Variants in B3GNT6 observed in about 807,000 individuals in gnomAD.
B3GNT6 encodes UDP-GlcNAc:betaGal beta-1,3-N-acetylglucosaminyltransferase 6.
For missense variants in B3GNT6, 624 were observed against 568.6 expected (o/e 1.10, Z -0.99); for synonymous variants, 300 against 270.0 (o/e 1.11, Z -1.09).
rs782247197 is a variant in B3GNT6, at chr11:77,039,874, C to A, written c.323C>A (p.Pro108Gln). ...CACTTCCCGCTGCTTTGGGACGCAC[C>A]GGCCAAGTGCGCCGGCGGCCGAGGC... ...CRHFPLLWDAPAKCAGGRGVF... is the reference protein window; with the variant it reads ...CRHFPLLWDAQAKCAGGRGVF... The change falls in exon 2 of 2, where the codon CCG becomes CAG. Residue 108 changes from proline to glutamine, a missense_variant. By Grantham distance (76) the Pro-to-Gln change is moderately conservative. Transcript: ENST00000622824. 8 of 1,589,072 alleles carry A rather than the reference C, an allele frequency of 5.0e-6. No individual in the cohort carries two copies. The Admixed American group carries it at 1.4e-4, about 27-fold the overall frequency.
chr11:77,039,480 C>T, intron 1 of B3GNT6, 72 bp from the exon 2 acceptor site: 1 of 1,503,764 alleles, frequency 6.6e-7, no homozygotes, highest in South Asian at 1.4e-5. Context: ...AGAGAAGTGA[C>T]GGGGTACGGG....
rs1555027470 is a variant in B3GNT6 at position 77,039,837 on chromosome 11, C to G, written c.286C>G (p.Arg96Gly). 2.0e-5 allele frequency: 31 copies of G among 1,575,908 alleles called. No homozygotes were observed. The highest frequency in any genetic ancestry group is 2.6e-5 in the Non-Finnish European group (30 of 1,168,250). ...GCGCATCCAGGACTTCCTGCGGTACCGCCACTGCCGCCACTTCCCGCTGCT... is the reference window on the plus strand; with the variant it reads ...GCGCATCCAGGACTTCCTGCGGTACGGCCACTGCCGCCACTTCCCGCTGCT... ...PARIQDFLRY[R>G]HCRHFPLLWD... Residue 96 changes from arginine (R) to glycine (G), a missense_variant, in exon 2 of 2, where the codon CGC becomes GGC. Physicochemically the swap from Arg to Gly is moderately radical, Grantham distance 125. Coordinates refer to ENST00000622824, the MANE Select transcript of B3GNT6 (RefSeq NM_138706.5).
intron 1 of B3GNT6, among the ~76,000 whole-genome samples, chr11:77,039,315 C>T (rs1176749297): frequency 5.3e-5 from 8 of 151,942 alleles, no homozygotes; most frequent in African/African-American, 1.5e-4. Context: ...GGTTGTGGGG[C>T]GGTGTTGTCA....
At position 77,040,247 on chromosome 11, in the gene B3GNT6, A is replaced by C; in HGVS notation, c.696A>C (p.Val232=). 6.3e-7 allele frequency: 1 copy of C among 1,598,736 alleles called. No homozygotes were observed. Among genetic ancestry groups the C allele is most frequent in the Non-Finnish European group, 8.5e-7 (1 of 1,179,400 alleles). The change falls in exon 2 of 2, where the codon GTA becomes GTC. Residue 232 remains valine, a synonymous_variant. Transcript: ENST00000622824. ...DDDVFVHTAN[V]VRFLQAQPPG... ...ACGTGTTCGTGCACACCGCCAACGT[A>C]GTCCGCTTCCTGCAGGCGCAGCCAC...
intron 1 of B3GNT6, among the ~76,000 whole-genome samples, chr11:77,039,004 G>A (rs1555027304): frequency 6.6e-6 from 1 of 152,212 alleles, no homozygotes; most frequent in East Asian, 1.9e-4. Context: ...GGGGATGGCA[G>A]AATTCGGCTC....
chr11:77,040,218 G>A lies in B3GNT6; in HGVS notation c.667G>A (p.Asp223Asn), dbSNP rs1949673854. The A allele has an allele frequency of 1.9e-6, 3 of 1,599,136 alleles. No homozygotes were observed. The highest frequency in any genetic ancestry group is 2.5e-6 in the Non-Finnish European group (3 of 1,179,456). Reference sequence around the variant, plus strand: ...CGCGCGCTTTCTGCTCAGCGGCGACGACGACGTGTTCGTGCACACCGCCAA... The same window carrying A: ...CGCGCGCTTTCTGCTCAGCGGCGACAACGACGTGTTCGTGCACACCGCCAA... Reference protein sequence around the residue: ...PHARFLLSGDDDVFVHTANVV... With the variant: ...PHARFLLSGDNDVFVHTANVV... Residue 223 changes from aspartate (D) to asparagine (N), a missense_variant, in exon 2 of 2, where the codon GAC (aspartate) becomes AAC (asparagine). Physicochemically the swap from Asp to Asn is conservative, Grantham distance 23. Transcript: ENST00000622824.
chr11:77,040,429 G>T lies in B3GNT6; in HGVS notation c.878G>T (p.Arg293Leu). The change falls in exon 2 of 2, where the codon CGG (arginine) becomes CTG (leucine). Residue 293 changes from arginine (R) to leucine (L), a missense_variant. Transcript: ENST00000622824. The part of the protein sequence containing the change: ...GGFLLSGPTA[R>L]ALRAAARHTP... ...TTCCTCCTGTCCGGCCCCACGGCCCGGGCCCTGCGCGCGGCCGCCCGCCAC... is the reference window on the plus strand; with the variant it reads ...TTCCTCCTGTCCGGCCCCACGGCCCTGGCCCTGCGCGCGGCCGCCCGCCAC... 6.5e-7 allele frequency: 1 copy of T among 1,530,546 alleles called. No homozygotes were observed. Among genetic ancestry groups the T allele is most frequent in the Non-Finnish European group, 8.7e-7 (1 of 1,144,294 alleles). The allele number at this position is 1,530,546 out of a possible 1,614,324, so 94.8% of individuals were successfully genotyped here.
chr11:77,038,162 A>G (rs1591089804), intron 1 of B3GNT6, among the ~76,000 whole-genome samples: 3 of 108,164 alleles, frequency 2.8e-5, no homozygotes, highest in Non-Finnish European at 1.9e-5. Flanking sequence ...GGGAGGGGGA[A>G]GAGGAGGAGG....
In B3GNT6 at chr11:77,040,283, C is replaced by G; in HGVS notation, c.732C>G (p.His244Gln). ...RFLQAQPPGR[H>Q]LFSGQLMEGS... ...TGCAGGCGCAGCCACCCGGCCGCCA[C>G]CTGTTCTCCGGCCAGCTCATGGAGG... Residue 244 changes from histidine to glutamine, a missense_variant, in exon 2 of 2, where the codon CAC (histidine) becomes CAG (glutamine). Transcript: ENST00000622824. The G allele has an allele frequency of 6.3e-7, 1 of 1,594,160 alleles. No individual in the cohort carries two copies. The highest frequency in any genetic ancestry group is 8.5e-7 in the Non-Finnish European group (1 of 1,177,694).
chr11:77,040,979 A>C lies in B3GNT6; in HGVS notation c.*273A>C. The C allele has an allele frequency of 2.4e-6, 1 of 424,464 alleles. No individual in the cohort carries two copies. The highest frequency in any genetic ancestry group is 7.4e-5 in the South Asian group (1 of 13,480). The allele number at this position is 424,464 out of a possible 1,614,324, so 26.3% of individuals were successfully genotyped here. A position where few individuals can be genotyped will look rare whatever the true frequency, so the allele number is the denominator to read the frequency against. On this transcript the variant is annotated 3_prime_UTR_variant, in exon 2 of 2. Transcript: ENST00000622824. ...GAATGTGCAGCTAGGCCTGAGGACC[A>C]CTCGGCTAGACTATCTCTTCATCCT...
chr11:77,041,038 A>G lies in B3GNT6; in HGVS notation c.*332A>G, dbSNP rs1487939056. 1 of 302,852 alleles carries G rather than the reference A, an allele frequency of 3.3e-6. No homozygotes were observed. Among genetic ancestry groups the G allele is most frequent in the African/African-American group, 2.2e-5 (1 of 46,180 alleles). 18.8% of individuals were successfully genotyped at this position (302,852 alleles called of 1,614,324 possible). ...CAGCTCCACCGCCCTCTCTGCAAGA[A>G]TTCCGGGCCCCTCGCTCCCACACTC... On this transcript the variant is annotated 3_prime_UTR_variant, in exon 2 of 2. Coordinates refer to ENST00000622824, the MANE Select transcript of B3GNT6 (RefSeq NM_138706.5).
Position 77,040,256 on chromosome 11 carries a change from C to G in B3GNT6, c.705C>G (p.Phe235Leu), listed in dbSNP as rs567787570. The G allele has an allele frequency of 6.3e-7, 1 of 1,597,858 alleles. No individual in the cohort carries two copies. The highest frequency in any genetic ancestry group is 8.5e-7 in the Non-Finnish European group (1 of 1,179,132). ...VFVHTANVVR[F>L]LQAQPPGRHL... ...TGCACACCGCCAACGTAGTCCGCTT[C>G]CTGCAGGCGCAGCCACCCGGCCGCC... is the stretch of plus-strand genomic sequence containing the variant. The change falls in exon 2 of 2, where the codon TTC becomes TTG. Residue 235 changes from phenylalanine to leucine, a missense_variant. Transcript: ENST00000622824.
intron 1 of B3GNT6, 40 bp from the exon 2 acceptor site, chr11:77,039,512 G>A: frequency 2.0e-6 from 3 of 1,529,322 alleles, no homozygotes; most frequent in Non-Finnish European, 2.6e-6. Flanking sequence ...CGGTGTCAAA[G>A]ACGACTTCCG....
At chr11:77,037,646 C>A (rs1167788381) in intron 1 of B3GNT6, among the ~76,000 whole-genome samples, 3 of 151,722 alleles carry the variant, frequency 2.0e-5, no homozygotes, top group African/African-American at 7.3e-5. Context: ...TGCGGTGGCT[C>A]ACACCTGTAA....
chr11:77,039,903 T>A lies in B3GNT6; in HGVS notation c.352T>A (p.Phe118Ile), dbSNP rs1949669248. 4 of 1,592,252 alleles carry A rather than the reference T, an allele frequency of 2.5e-6. No individual in the cohort carries two copies. The highest frequency in any genetic ancestry group is 2.5e-6 in the Non-Finnish European group (3 of 1,176,754). Residue 118 changes from phenylalanine to isoleucine, a missense_variant, in exon 2 of 2, where the codon TTC (phenylalanine) becomes ATC (isoleucine). Coordinates refer to ENST00000622824, the MANE Select transcript of B3GNT6 (RefSeq NM_138706.5). ...PAKCAGGRGVFLLLAVKSAPE... is the reference protein window; with the variant it reads ...PAKCAGGRGVILLLAVKSAPE... ...CAAGTGCGCCGGCGGCCGAGGCGTG[T>A]TCCTGCTCCTGGCGGTGAAGTCGGC...
intron 1 of B3GNT6, among the ~76,000 whole-genome samples, chr11:77,037,812 C>T (rs1949644451): frequency 6.8e-6 from 1 of 146,996 alleles, no homozygotes; most frequent in Admixed American, 6.9e-5. Context: ...ATTTGGGAGG[C>T]TGAGGTGGGA....
intron 1 of B3GNT6, among the ~76,000 whole-genome samples, chr11:77,037,614 G>A (rs1555027062): frequency 1.3e-5 from 2 of 151,876 alleles, no homozygotes; most frequent in African/African-American, 2.4e-5. Context: ...CACTATTAAA[G>A]GTTATTATTA....
intron 1 of B3GNT6, among the ~76,000 whole-genome samples, chr11:77,037,693 T>G (rs182927049): frequency 6.6e-6 from 1 of 151,364 alleles, no homozygotes; most frequent in African/African-American, 2.4e-5. Flanking sequence ...GGAGGATCAC[T>G]TGAGCCCAAG....
Position 77,039,829 on chromosome 11 carries a change from T to A in B3GNT6, c.278T>A (p.Leu93Gln). ...EQLPARIQDF[L>Q]RYRHCRHFPL... ...CTGCCCGCGCGCATCCAGGACTTCC[T>A]GCGGTACCGCCACTGCCGCCACTTC... The change falls in exon 2 of 2, where the codon CTG (leucine) becomes CAG (glutamine). Residue 93 changes from leucine (L) to glutamine (Q), a missense_variant. Physicochemically the swap from Leu to Gln is moderately radical, Grantham distance 113. Transcript: ENST00000622824. 6.4e-7 allele frequency: 1 copy of A among 1,574,312 alleles called. No homozygotes were observed. Among genetic ancestry groups the A allele is most frequent in the South Asian group, 1.1e-5 (1 of 88,524 alleles).
Sources: gnomAD v4.1 joint callset for allele counts (sites outside exome capture counted in the v4.1 genomes callset) on GRCh38, gnomAD v4.1.1 for gene constraint, MANE v1.5 for transcripts, NCBI Gene and HGNC (gene_info 2026-07-23, HGNC 2026-07-21) for gene names.